Variants in OSBPL11 observed in about 807,000 individuals in gnomAD.
The protein encoded by OSBPL11 is oxysterol-binding protein-related protein 11.
In OSBPL11, 33 loss-of-function variants were observed where a neutral mutation model predicts 84.4. The observed-to-expected ratio is 0.39, with a 90% CI of 0.30 to 0.52. OSBPL11 has a LOEUF of 0.52. Ranked by LOEUF, OSBPL11 falls within the 20% of genes least tolerant of loss-of-function variation. The pLI, the probability that OSBPL11 is intolerant of heterozygous loss-of-function variation, is 0.72. For synonymous variants in OSBPL11, 276 were observed against 310.2 expected, an observed-to-expected ratio of 0.89 and a Z score of 1.16; for missense variants, 736 against 901.1, an observed-to-expected ratio of 0.82 and a Z score of 2.35.
intron 1 of OSBPL11, among the ~76,000 whole-genome samples, chr3:125,588,269 A>G (rs904429330): frequency 3.3e-5 from 5 of 151,918 alleles, no homozygotes; most frequent in African/African-American, 1.2e-4. Flanking sequence ...CTGATAAAGT[A>G]AGATATGACA....
intron 4 of OSBPL11, 34 bp from the exon 5 acceptor site, chr3:125,576,399 C>T (rs1936323801): frequency 6.7e-7 from 1 of 1,503,278 alleles, no homozygotes; most frequent in East Asian, 2.5e-5. Context: ...CTTTTGTTTT[C>T]TTCTTTAATT....
chr3:125,550,963 C>T (rs1386061460), intron 9 of OSBPL11, among the ~76,000 whole-genome samples: 1 of 151,892 alleles, frequency 6.6e-6, no homozygotes, highest in Non-Finnish European at 1.5e-5. Context: ...AGTTCATGAC[C>T]AGCCTGGGCA....
rs1415998712 is a variant in OSBPL11 at position 125,594,854 on chromosome 3, T to C, written c.-54A>G. 3 of 1,551,998 alleles carry C rather than the reference T, an allele frequency of 1.9e-6. No homozygotes were observed. Among genetic ancestry groups the C allele is most frequent in the Non-Finnish European group, 2.6e-6 (3 of 1,150,992 alleles). On this transcript the variant is annotated 5_prime_UTR_variant, in exon 1 of 13. Transcript: ENST00000296220. ...TGAGCGGGAGAGAACAATTCTGTAG[T>C]TCTGTAGGTGACTTTTTTTTTTTAA... is the stretch of plus-strand genomic sequence containing the variant.
chr3:125,531,457 A>G (rs971188970), intron 12 of OSBPL11, among the ~76,000 whole-genome samples: 2 of 151,184 alleles, frequency 1.3e-5, no homozygotes, highest in African/African-American at 4.9e-5. Flanking sequence ...ACACCTGGCT[A>G]ATGTTGTATT....
intron 10 of OSBPL11, among the ~76,000 whole-genome samples, chr3:125,539,166 A>G (rs976213480): frequency 6.6e-6 from 1 of 151,060 alleles, no homozygotes; most frequent in Non-Finnish European, 1.5e-5. Context: ...AATACATTAA[A>G]ATGTTTAAAA....
rs546468356 is a variant in OSBPL11, at chr3:125,586,929, C to T, written c.165-3951G>A. Among the ~76,000 whole-genome samples, 4 of 152,246 alleles carry T rather than the reference C, an allele frequency of 2.6e-5. No homozygotes were observed. The East Asian group carries it at 7.7e-4, about 29-fold the overall frequency. On this transcript the variant is annotated intron_variant, in intron 1 of 12. Coordinates refer to ENST00000296220, the MANE Select transcript of OSBPL11 (RefSeq NM_022776.5). ...TTCAACTCAAAACAATTACTCAATA[C>T]CTACTAAAGCACAGCACTCTGAAAA...
intron 5 of OSBPL11, among the ~76,000 whole-genome samples, chr3:125,573,527 T>A (rs572273585): frequency 6.6e-6 from 1 of 152,142 alleles, no homozygotes; most frequent in African/African-American, 2.4e-5. Context: ...GCTTTTGTAA[T>A]AAATTCATTT....
chr3:125,583,489 G>A (rs1374497326), intron 1 of OSBPL11, among the ~76,000 whole-genome samples: 2 of 147,918 alleles, frequency 1.4e-5, no homozygotes, highest in South Asian at 2.1e-4. Context: ...GCTGAGGCAG[G>A]AGAATCACTT....
intron 6 of OSBPL11, among the ~76,000 whole-genome samples, chr3:125,566,380 A>T (rs1183303675): frequency 6.6e-6 from 1 of 152,106 alleles, no homozygotes; most frequent in Non-Finnish European, 1.5e-5. Flanking sequence ...AGAGGAACAT[A>T]CATAACTGAT....
intron 8 of OSBPL11, among the ~76,000 whole-genome samples, chr3:125,557,432 A>G (rs1479803804): frequency 6.6e-6 from 1 of 151,986 alleles, no homozygotes; most frequent in Non-Finnish European, 1.5e-5. Context: ...CCCAGGCTAG[A>G]GTGCAGTGGC....
intron 1 of OSBPL11, 108 bp downstream of exon 1, chr3:125,594,529 G>A: frequency 7.6e-7 from 1 of 1,308,302 alleles, no homozygotes; most frequent in Non-Finnish European, 1.1e-6. Flanking sequence ...GTAGCTTCTG[G>A]AAGCCAGTGA....
intron 6 of OSBPL11, among the ~76,000 whole-genome samples, chr3:125,565,759 C>T (rs985226429): frequency 2.0e-5 from 3 of 152,084 alleles, no homozygotes; most frequent in African/African-American, 2.4e-5. Flanking sequence ...CATGAATTCA[C>T]GTTCACAACT....
At chr3:125,590,794 T>G (rs972068197) in intron 1 of OSBPL11, among the ~76,000 whole-genome samples, 2 of 152,208 alleles carry the variant, frequency 1.3e-5, no homozygotes, top group African/African-American at 4.8e-5. Context: ...AAACCAACCA[T>G]GTACCAAACT....
intron 1 of OSBPL11, among the ~76,000 whole-genome samples, chr3:125,587,944 A>C (rs1001533327): frequency 3.9e-5 from 6 of 152,190 alleles, no homozygotes; most frequent in African/African-American, 9.6e-5. Context: ...GTCTCAGGCC[A>C]GGCACAGTGG....
intron 4 of OSBPL11, among the ~76,000 whole-genome samples, chr3:125,577,896 T>C (rs1580059750): frequency 6.6e-6 from 1 of 151,924 alleles, no homozygotes; most frequent in East Asian, 1.9e-4. Flanking sequence ...TGTAAAAAAG[T>C]GTGGCCGCTT....
intron 7 of OSBPL11, among the ~76,000 whole-genome samples, chr3:125,561,359 G>A (rs1216593207): frequency 2.0e-5 from 3 of 152,084 alleles, no homozygotes; most frequent in African/African-American, 7.2e-5. Flanking sequence ...AAATTTACAT[G>A]TTTATAATTA....
chr3:125,564,937 G>A (rs1246327143), intron 6 of OSBPL11, among the ~76,000 whole-genome samples: 1 of 152,166 alleles, frequency 6.6e-6, no homozygotes. Context: ...TTACAGGCGT[G>A]AGCCACCATG....
intron 1 of OSBPL11, among the ~76,000 whole-genome samples, chr3:125,593,591 G>C (rs921229413): frequency 3.3e-5 from 5 of 150,600 alleles, no homozygotes; most frequent in African/African-American, 4.9e-5. Flanking sequence ...CCACACTCCA[G>C]CCTGGGTGAC....
intron 10 of OSBPL11, among the ~76,000 whole-genome samples, chr3:125,542,860 G>T (rs1364652122): frequency 6.6e-6 from 1 of 151,962 alleles, no homozygotes; most frequent in East Asian, 1.9e-4. Context: ...GGTCAGGTTG[G>T]TCTCAAACTC....
Sources: allele counts gnomAD v4.1 joint callset (sites outside exome capture counted in the v4.1 genomes callset), GRCh38; gene constraint gnomAD v4.1.1; transcripts MANE v1.5; gene names NCBI Gene and HGNC (gene_info 2026-07-23, HGNC 2026-07-21).